SETBP1: variants seen among roughly 807,000 people sequenced by gnomAD.
The protein encoded by SETBP1 is SET-binding protein.
In SETBP1, 9 loss-of-function variants were observed where a neutral mutation model predicts 101.0. The observed-to-expected ratio is 0.09, with a 90% CI of 0.05 to 0.16. The LOEUF (loss-of-function observed/expected upper bound fraction) is 0.16. Among genes scored for constraint, SETBP1 ranks in the 10% least tolerant of loss-of-function variants. The pLI is 1.00. For missense variants in SETBP1, 1,858 were observed against 2,033.8 expected, an observed-to-expected ratio of 0.91 and a Z score of 1.66; for synonymous variants, 818 against 788.5, an observed-to-expected ratio of 1.04 and a Z score of -0.63.
chr18:45,030,322 T>G (rs2145458784), intron 4 of SETBP1, among the ~76,000 whole-genome samples: 1 of 126,062 alleles, frequency 7.9e-6, no homozygotes, highest in East Asian at 2.1e-4. Context: ...TTTATTGATT[T>G]GCGTATATTG....
At chr18:44,692,876 G>C (rs1209536205) in intron 1 of SETBP1, among the ~76,000 whole-genome samples, 1 of 152,198 alleles carries the variant, frequency 6.6e-6, no homozygotes, top group African/African-American at 2.4e-5. Flanking sequence ...GAGATCTGCA[G>C]CTTACGAGAT....
At chr18:44,860,917 C>G (rs1409376630) in intron 2 of SETBP1, among the ~76,000 whole-genome samples, 1 of 152,192 alleles carries the variant, frequency 6.6e-6, no homozygotes, top group African/African-American at 2.4e-5. Flanking sequence ...CTGCTTAATT[C>G]TCTTTCCCCA....
chr18:44,689,315 G>C (rs557438451), intron 1 of SETBP1, among the ~76,000 whole-genome samples: 1 of 152,316 alleles, frequency 6.6e-6, no homozygotes, highest in African/African-American at 2.4e-5. Context: ...ATGAAGGTCA[G>C]AAGGCTGACA....
chr18:45,028,698 C>T (rs967475697), intron 4 of SETBP1, among the ~76,000 whole-genome samples: 5 of 152,288 alleles, frequency 3.3e-5, no homozygotes, highest in African/African-American at 1.2e-4. Flanking sequence ...TTAATGATTG[C>T]CATTCTAACT....
chr18:44,870,454 C>T (rs1255316756), intron 3 of SETBP1: 1 of 152,170 alleles, frequency 6.6e-6, no homozygotes, highest in Non-Finnish European at 1.5e-5. Context: ...ATTCGCACAC[C>T]AGTGTGGGGT....
At position 44,947,257 on chromosome 18, in the gene SETBP1, C is replaced by T. The variant is rs547002620; in HGVS notation, c.541-2624C>T. On this transcript the variant is annotated intron_variant, in intron 3 of 5. Transcript: ENST00000649279. ...CTGGGATTGAGCTGAAGCCAGAACA[C>T]GAAAAAAACATTAATTAGGGACTCT... Among the ~76,000 whole-genome samples, 237 of 151,656 alleles carry T rather than the reference C, an allele frequency of 1.6e-3. 2 individuals carry two copies. The highest frequency in any genetic ancestry group is 4.3e-3 in the African/African-American group (177 of 41,352).
At chr18:44,972,861 C>G (rs1396341376) in intron 4 of SETBP1, among the ~76,000 whole-genome samples, 3 of 152,080 alleles carry the variant, frequency 2.0e-5, no homozygotes, top group East Asian at 3.9e-4. Flanking sequence ...AGTTGAATAC[C>G]CTTTATTTCC....
At chr18:44,929,576 G>A (rs1177786410) in intron 3 of SETBP1, among the ~76,000 whole-genome samples, 1 of 152,290 alleles carries the variant, frequency 6.6e-6, no homozygotes, top group East Asian at 1.9e-4. Context: ...AGCATGGAAT[G>A]TTCTTCCATC....
At chr18:44,983,732 C>A (rs141230034) in intron 4 of SETBP1, among the ~76,000 whole-genome samples, 26 of 152,304 alleles carry the variant, frequency 1.7e-4, no homozygotes, top group African/African-American at 6.0e-4. Flanking sequence ...TAACCCCCTG[C>A]TTGCCACTCC....
chr18:44,964,991 C>A (rs1485177923), intron 4 of SETBP1, among the ~76,000 whole-genome samples: 1 of 152,128 alleles, frequency 6.6e-6, no homozygotes, highest in East Asian at 1.9e-4. Context: ...ATACAGATTT[C>A]TAGATTGTGC....
At chr18:44,836,182 A>G (rs574344991) in intron 2 of SETBP1, among the ~76,000 whole-genome samples, 7 of 151,328 alleles carry the variant, frequency 4.6e-5, no homozygotes, top group Admixed American at 2.6e-4. Flanking sequence ...GGTTTCTGCC[A>G]CCAAGCGAAT....
intron 2 of SETBP1, among the ~76,000 whole-genome samples, chr18:44,836,874 T>C (rs2072506363): frequency 6.6e-6 from 1 of 152,200 alleles, no homozygotes; most frequent in Non-Finnish European, 1.5e-5. Context: ...TCTTGTTATA[T>C]TTCTATTTGA....
At chr18:44,978,691 A>G (rs1004945097) in intron 4 of SETBP1, among the ~76,000 whole-genome samples, 1 of 152,174 alleles carries the variant, frequency 6.6e-6, no homozygotes, top group Non-Finnish European at 1.5e-5. Context: ...AGCAACACCA[A>G]CCATAGTGAG....
chr18:44,748,977 G>A (rs993158773), intron 2 of SETBP1, among the ~76,000 whole-genome samples: 1 of 152,168 alleles, frequency 6.6e-6, no homozygotes, highest in African/African-American at 2.4e-5. Context: ...CTACTCTGTT[G>A]TAATCTCCAT....
intron 4 of SETBP1, among the ~76,000 whole-genome samples, chr18:44,954,212 G>T (rs1017822173): frequency 5.3e-5 from 8 of 150,998 alleles, no homozygotes; most frequent in African/African-American, 2.0e-4. Flanking sequence ...TCACATTTCT[G>T]CAAAAGTATC....
At chr18:44,935,003 G>A (rs1210210911) in intron 3 of SETBP1, among the ~76,000 whole-genome samples, 1 of 152,190 alleles carries the variant, frequency 6.6e-6, no homozygotes, top group Non-Finnish European at 1.5e-5. Context: ...CTGCACCTGA[G>A]GCATTGTGAT....
chr18:44,950,177 C>T lies in SETBP1; in HGVS notation c.837C>T (p.Asn279=). ...SAGNTWSQLS[N]NNKDLLLGGV... ...GGAACACGTGGAGTCAGTTGTCTAA[C>T]AATAACAAAGATCTGCTCTTGGGAG... Residue 279 remains asparagine, a synonymous_variant, in exon 4 of 6, where the codon AAC becomes AAT. Coordinates refer to ENST00000649279, the MANE Select transcript of SETBP1 (RefSeq NM_015559.3). 1 of 1,613,922 alleles carries T rather than the reference C, an allele frequency of 6.2e-7. No homozygotes were observed. Among genetic ancestry groups the T allele is most frequent in the South Asian group, 1.1e-5 (1 of 91,084 alleles).
chr18:44,756,746 A>G (rs1463535886), intron 2 of SETBP1, among the ~76,000 whole-genome samples: 1 of 151,928 alleles, frequency 6.6e-6, no homozygotes, highest in Non-Finnish European at 1.5e-5. Context: ...TCTTTTTTCC[A>G]TATAAACCTC....
chr18:44,882,622 C>G (rs939137876), intron 3 of SETBP1, among the ~76,000 whole-genome samples: 22 of 151,962 alleles, frequency 1.4e-4, no homozygotes, highest in Non-Finnish European at 2.6e-4. Flanking sequence ...GTGAGTGACT[C>G]TTGGACTCCT....
Sources: allele counts gnomAD v4.1 joint callset (sites outside exome capture counted in the v4.1 genomes callset), GRCh38; gene constraint gnomAD v4.1.1; transcripts MANE v1.5; gene names NCBI Gene and HGNC (gene_info 2026-07-23, HGNC 2026-07-21).